The following SAMSN1 variants were observed in gnomAD, a reference collection of about 807,000 sequenced individuals.
SAMSN1 encodes SAM domain-containing protein SAMSN-1.
Under a neutral mutation model 42.0 loss-of-function variants are expected in SAMSN1, and 31 were observed. The observed-to-expected ratio is 0.74, with a 90% CI of 0.55 to 1.00. SAMSN1 has a LOEUF of 1.00. SAMSN1 is among the 50% of genes least tolerant of loss of function. SAMSN1 has a pLI of 0.00. For synonymous variants in SAMSN1, 178 were observed against 151.9 expected (o/e 1.17, Z -1.26); for missense variants, 464 against 439.4 (o/e 1.06, Z -0.50).
intron 2 of SAMSN1, among the ~76,000 whole-genome samples, chr21:14,561,017 C>T (rs993145448): frequency 6.6e-6 from 1 of 152,202 alleles, no homozygotes; most frequent in Non-Finnish European, 1.5e-5. Flanking sequence ...ATAAGATAGA[C>T]ACAGTTTCTA....
At chr21:14,643,939 A>ACTCAG (rs1983655874) in intron 1 of SAMSN1, among the ~76,000 whole-genome samples, 1 of 151,964 alleles carries the variant, frequency 6.6e-6, no homozygotes, top group African/African-American at 2.4e-5. Flanking sequence ...CCCAGACCAA[A>ACTCAG]CTCAGCTGAT....
rs139732505 is a variant in SAMSN1 at position 14,519,472 on chromosome 21, T to A, written c.129+1678A>T. 9.1e-3 allele frequency among the ~76,000 whole-genome samples: 1,382 copies of A among 152,136 alleles called. 25 individuals carry two copies. Among genetic ancestry groups the A allele is most frequent in the African/African-American group, 0.03 (1,253 of 41,542 alleles). On this transcript the variant is annotated intron_variant, in intron 2 of 7. Coordinates refer to ENST00000400566, the MANE Select transcript of SAMSN1 (RefSeq NM_022136.5). ...AAAATGCCAACTGAAAATAAAATTA[T>A]ATACAGTTTCTCTCTCTCTCCATAT...
At chr21:14,548,233 G>A (rs1429846126), upstream of SAMSN1, among the ~76,000 whole-genome samples, 1 of 152,096 alleles carries the variant, frequency 6.6e-6, no homozygotes, top group Non-Finnish European at 1.5e-5. Flanking sequence ...CTTAGTACAT[G>A]GTAGAGTTTT....
At chr21:14,586,328 C>T (rs1238373608), upstream of SAMSN1, among the ~76,000 whole-genome samples, 1 of 151,062 alleles carries the variant, frequency 6.6e-6, no homozygotes, top group Non-Finnish European at 1.5e-5. Flanking sequence ...AATAATAACC[C>T]TATTTATCTC....
chr21:14,569,968 G>T (rs149531572), intron 2 of SAMSN1, among the ~76,000 whole-genome samples: 1 of 137,572 alleles, frequency 7.3e-6, no homozygotes, highest in African/African-American at 2.9e-5. Flanking sequence ...TAAAACTGTG[G>T]TGTCTTTAAC....
At chr21:14,567,757 A>C (rs964293242) in intron 2 of SAMSN1, among the ~76,000 whole-genome samples, 3 of 151,390 alleles carry the variant, frequency 2.0e-5, no homozygotes, top group East Asian at 3.9e-4. Context: ...GAAGACCTTG[A>C]CTGAAACCGC....
chr21:14,529,258 C>T (rs1045184544), intron 1 of SAMSN1, among the ~76,000 whole-genome samples: 1 of 152,232 alleles, frequency 6.6e-6, no homozygotes, highest in African/African-American at 2.4e-5. Context: ...CCTTAGGAAA[C>T]CCTTTTCCGA....
chr21:14,581,606 G>T (rs550532988), intron 2 of SAMSN1, among the ~76,000 whole-genome samples: 5 of 151,140 alleles, frequency 3.3e-5, no homozygotes, highest in African/African-American at 9.7e-5. Flanking sequence ...TGATCCTCCC[G>T]CCTCGGCCTC....
At chr21:14,558,819 T>C (rs1236123560) in intron 2 of SAMSN1, among the ~76,000 whole-genome samples, 3 of 152,212 alleles carry the variant, frequency 2.0e-5, no homozygotes, top group African/African-American at 4.8e-5. Flanking sequence ...TTCTGTCCCA[T>C]GGCTTCAACA....
chr21:14,647,253 C>T (rs1776923235), intron 1 of SAMSN1, among the ~76,000 whole-genome samples: 1 of 152,034 alleles, frequency 6.6e-6, no homozygotes, highest in Admixed American at 6.6e-5. Flanking sequence ...ATCCTTTCCC[C>T]ATTGCTTGTT....
chr21:14,586,794 G>A (rs1239095833), upstream of SAMSN1, among the ~76,000 whole-genome samples: 1 of 152,186 alleles, frequency 6.6e-6, no homozygotes, highest in African/African-American at 2.4e-5. Context: ...AGAGGGTTTA[G>A]AATTCAGCAG....
intron 5 of SAMSN1, among the ~76,000 whole-genome samples, chr21:14,604,814 G>C (rs1170527904): frequency 6.6e-6 from 1 of 152,216 alleles, no homozygotes; most frequent in Non-Finnish European, 1.5e-5. Context: ...GCCTCTGTAT[G>C]ACTCCAGCTA....
intron 6 of SAMSN1, among the ~76,000 whole-genome samples, 160 bp from the exon 7 acceptor site, chr21:14,498,752 C>A (rs1311456282): frequency 4.6e-5 from 7 of 152,162 alleles, no homozygotes; most frequent in Non-Finnish European, 1.0e-4. Flanking sequence ...ATATGAACTC[C>A]AGGGCTCTTA....
At chr21:14,657,344 C>T (rs936450029) in intron 1 of SAMSN1, among the ~76,000 whole-genome samples, 1 of 151,696 alleles carries the variant, frequency 6.6e-6, no homozygotes, top group African/African-American at 2.4e-5. Flanking sequence ...CTTTAACAGA[C>T]AGAAAAGAGT....
chr21:14,655,423 T>A (rs1315202480), intron 1 of SAMSN1, among the ~76,000 whole-genome samples: 1 of 151,804 alleles, frequency 6.6e-6, no homozygotes, highest in Non-Finnish European at 1.5e-5. Flanking sequence ...GGTATTAACA[T>A]AGTTTTTAAA....
intron 7 of SAMSN1, among the ~76,000 whole-genome samples, chr21:14,491,999 T>TA (rs1986707992): frequency 6.6e-6 from 1 of 152,152 alleles, no homozygotes; most frequent in East Asian, 1.9e-4. Flanking sequence ...ATCATTTTTT[T>TA]AACATAACAC....
chr21:14,609,842 TCTTTACTGC>T (rs1336622554), intron 4 of SAMSN1, among the ~76,000 whole-genome samples: 1 of 152,208 alleles, frequency 6.6e-6, no homozygotes, highest in African/African-American at 2.4e-5. Context: ...ACCTGGCCTG[TCTTTACTGC>T]AATCTCTGAA....
chr21:14,633,499 T>A (rs1983384228), intron 2 of SAMSN1, among the ~76,000 whole-genome samples: 1 of 152,192 alleles, frequency 6.6e-6, no homozygotes, highest in Non-Finnish European at 1.5e-5. Flanking sequence ...TCAAGTTCTA[T>A]TTAGGAACCA....
chr21:14,556,465 A>G (rs1980765138), intron 2 of SAMSN1, among the ~76,000 whole-genome samples: 1 of 152,226 alleles, frequency 6.6e-6, no homozygotes, highest in African/African-American at 2.4e-5. Context: ...ATCTGCATAT[A>G]TACTTAGGTA....
Sources: allele counts gnomAD v4.1 joint callset (sites outside exome capture counted in the v4.1 genomes callset), GRCh38; gene constraint gnomAD v4.1.1; transcripts MANE v1.5; gene names NCBI Gene and HGNC (gene_info 2026-07-23, HGNC 2026-07-21).